NCAM2: variants seen among roughly 807,000 people sequenced by gnomAD.
NCAM2 encodes the protein N-CAM-2.
NCAM2 carries 30 observed loss-of-function variants against 98.1 expected under a neutral mutation model. That is an observed-to-expected ratio of 0.31 (90% CI 0.23 to 0.41). NCAM2 has a LOEUF of 0.41. NCAM2 is among the 10% of genes least tolerant of loss of function. NCAM2 has a pLI of 1.00. For synonymous variants in NCAM2, 368 were observed against 342.4 expected (o/e 1.07, Z -0.83); for missense variants, 867 against 1,005.8 (o/e 0.86, Z 1.87).
intron 10 of NCAM2, among the ~76,000 whole-genome samples, chr21:21,415,780 TC>T (rs2076982936): frequency 1.3e-5 from 2 of 152,290 alleles, no homozygotes; most frequent in South Asian, 2.1e-4. Flanking sequence ...TTCTGCACCT[TC>T]CTCACCTCTG....
intron 15 of NCAM2, among the ~76,000 whole-genome samples, chr21:21,505,214 C>T (rs980075359): frequency 6.6e-6 from 1 of 151,840 alleles, no homozygotes; most frequent in East Asian, 1.9e-4. Context: ...TAAAATAGGG[C>T]TCCTATATGG....
intron 1 of NCAM2, among the ~76,000 whole-genome samples, chr21:21,232,796 A>C (rs532585442): frequency 2.6e-4 from 39 of 151,740 alleles, no homozygotes; most frequent in Middle Eastern, 3.4e-3. Context: ...TCAGTGTCAT[A>C]AACTGTAGGA....
intron 1 of NCAM2, among the ~76,000 whole-genome samples, chr21:21,078,104 C>A (rs1327634221): frequency 2.0e-5 from 3 of 152,072 alleles, no homozygotes; most frequent in Non-Finnish European, 2.9e-5. Context: ...AAGATACTGT[C>A]TCACTTATAA....
chr21:21,286,016 T>A (rs1207975122), intron 3 of NCAM2, among the ~76,000 whole-genome samples: 1 of 151,938 alleles, frequency 6.6e-6, no homozygotes, highest in Non-Finnish European at 1.5e-5. Context: ...GAAATTGAGA[T>A]TGGAGTTGAG....
chr21:21,493,867 G>C (rs540057652), intron 15 of NCAM2, among the ~76,000 whole-genome samples: 1 of 151,868 alleles, frequency 6.6e-6, no homozygotes, highest in African/African-American at 2.4e-5. Flanking sequence ...AGGTTTCTAC[G>C]TGTCTTTTTA....
At chr21:21,135,624 C>G (rs1262206351) in intron 1 of NCAM2, among the ~76,000 whole-genome samples, 2 of 151,926 alleles carry the variant, frequency 1.3e-5, no homozygotes, top group African/African-American at 4.8e-5. Context: ...CATCTTCTAA[C>G]CATGACAGTC....
intron 9 of NCAM2, among the ~76,000 whole-genome samples, chr21:21,384,290 A>G (rs889628765): frequency 1.3e-5 from 2 of 151,704 alleles, no homozygotes; most frequent in African/African-American, 4.8e-5. Context: ...TTTATTTTTT[A>G]TTTCTATTGA....
At chr21:21,172,568 C>A (rs1315142789) in intron 1 of NCAM2, among the ~76,000 whole-genome samples, 1 of 151,958 alleles carries the variant, frequency 6.6e-6, no homozygotes, top group East Asian at 1.9e-4. Flanking sequence ...CACTTGATTG[C>A]CATTTATAAA....
chr21:21,263,971 G>C (rs1444374367), intron 1 of NCAM2, among the ~76,000 whole-genome samples: 2 of 151,962 alleles, frequency 1.3e-5, no homozygotes, highest in African/African-American at 2.4e-5. Flanking sequence ...TAAAGCAAAT[G>C]CAACAAAACC....
intron 1 of NCAM2, among the ~76,000 whole-genome samples, chr21:21,127,015 G>C (rs2066840388): frequency 6.6e-6 from 1 of 151,760 alleles, no homozygotes; most frequent in Admixed American, 6.6e-5. Flanking sequence ...AGAAATAACT[G>C]ATGCATATAC....
At chr21:21,266,518 A>G (rs953738107) in intron 1 of NCAM2, among the ~76,000 whole-genome samples, 1 of 152,300 alleles carries the variant, frequency 6.6e-6, no homozygotes, top group African/African-American at 2.4e-5. Flanking sequence ...TGGCACATAT[A>G]CACTATGGAA....
chr21:21,241,083 G>A (rs1399362382), intron 1 of NCAM2, among the ~76,000 whole-genome samples: 1 of 151,990 alleles, frequency 6.6e-6, no homozygotes, highest in Non-Finnish European at 1.5e-5. Flanking sequence ...AATGTATCTT[G>A]AAGACTATAA....
At chr21:21,226,500 T>C (rs1168033473) in intron 1 of NCAM2, 1 of 152,034 alleles carries the variant, frequency 6.6e-6, no homozygotes, top group Admixed American at 6.6e-5. Context: ...AAGAAGATAG[T>C]ATTTGAATTT....
rs1431355969 is a variant in NCAM2, at chr21:21,540,411, C to T, written c.*2454C>T. ...TTTCAAGTGCACTGTTTCAGTTGCC[C>T]GGGTGGTCCTTACCTCTTGTCCTTG... is the stretch of plus-strand genomic sequence containing the variant. On this transcript the variant is annotated 3_prime_UTR_variant, in exon 18 of 18. Transcript: ENST00000400546. The T allele has an allele frequency of 2.0e-5, 3 of 151,542 alleles. No homozygotes were observed. Among genetic ancestry groups the T allele is most frequent in the Non-Finnish European group, 2.9e-5 (2 of 67,874 alleles). 9.4% of individuals were successfully genotyped at this position (151,542 alleles called of 1,614,324 possible).
intron 5 of NCAM2, among the ~76,000 whole-genome samples, chr21:21,303,091 A>G (rs1382648598): frequency 1.3e-5 from 2 of 152,034 alleles, no homozygotes; most frequent in African/African-American, 4.8e-5. Context: ...GACACTGCAG[A>G]ATACTAGAGC....
intron 9 of NCAM2, among the ~76,000 whole-genome samples, chr21:21,408,118 A>G (rs933870316): frequency 1.3e-5 from 2 of 152,220 alleles, no homozygotes; most frequent in Non-Finnish European, 2.9e-5. Context: ...AAACGATCAA[A>G]TAGATGCTTC....
At chr21:21,174,718 G>T (rs1240435971) in intron 1 of NCAM2, among the ~76,000 whole-genome samples, 1 of 151,992 alleles carries the variant, frequency 6.6e-6, no homozygotes, top group Non-Finnish European at 1.5e-5. Context: ...AACAAGTTTA[G>T]CTAGGAGACA....
chr21:21,429,842 T>A (rs2826832), intron 11 of NCAM2, among the ~76,000 whole-genome samples: 29,324 of 152,076 alleles, frequency 0.19, 3,103 homozygotes, highest in East Asian at 0.32. Context: ...CAGTTTCTAA[T>A]TAGAGTTGAA....
At chr21:21,461,796 G>A (rs534353805) in intron 12 of NCAM2, among the ~76,000 whole-genome samples, 1 of 151,988 alleles carries the variant, frequency 6.6e-6, no homozygotes, top group South Asian at 2.1e-4. Flanking sequence ...AATTTCAGAA[G>A]TAAGTGAAAA....
Sources: gnomAD v4.1 joint callset for allele counts (sites outside exome capture counted in the v4.1 genomes callset) on GRCh38, gnomAD v4.1.1 for gene constraint, MANE v1.5 for transcripts, NCBI Gene and HGNC (gene_info 2026-07-23, HGNC 2026-07-21) for gene names.